CTTNBP2: variants seen among roughly 807,000 people sequenced by gnomAD.
The protein encoded by CTTNBP2 is cortactin binding protein 2.
In CTTNBP2, 108 loss-of-function variants were observed where a neutral mutation model predicts 156.9. The ratio of observed to expected loss-of-function variants is 0.69; its 90% confidence interval spans 0.59 to 0.81. The LOEUF is 0.81. Among genes scored for constraint, CTTNBP2 ranks in the 30% least tolerant of loss-of-function variants. CTTNBP2 has a pLI of 0.00. For missense variants in CTTNBP2, 1,924 were observed against 2,035.4 expected, an observed-to-expected ratio of 0.95 and a Z score of 1.05; for synonymous variants, 767 against 751.8, an observed-to-expected ratio of 1.02 and a Z score of -0.33.
chr7:117,783,725 C>T (rs1798553028), intron 5 of CTTNBP2, among the ~76,000 whole-genome samples: 1 of 152,204 alleles, frequency 6.6e-6, no homozygotes, highest in Admixed American at 6.5e-5. Flanking sequence ...TCTTTTTCTG[C>T]ACTCCCATAT....
At chr7:117,847,474 G>A (rs1400450283) in intron 2 of CTTNBP2, among the ~76,000 whole-genome samples, 1 of 152,194 alleles carries the variant, frequency 6.6e-6, no homozygotes. Context: ...GGCAGATGTT[G>A]CAGTGAGCTA....
intron 8 of CTTNBP2, among the ~76,000 whole-genome samples, chr7:117,776,184 T>C (rs1191560303): frequency 6.6e-6 from 1 of 152,230 alleles, no homozygotes; most frequent in East Asian, 1.9e-4. Flanking sequence ...CTATTATCTT[T>C]TTATTCAGCT....
intron 2 of CTTNBP2, among the ~76,000 whole-genome samples, chr7:117,856,289 G>C (rs1393982424): frequency 6.6e-6 from 1 of 152,178 alleles, no homozygotes; most frequent in East Asian, 1.9e-4. Context: ...TTGGGATGTG[G>C]AGCTGGCACT....
chr7:117,754,977 G>C (rs1229602503), intron 12 of CTTNBP2, among the ~76,000 whole-genome samples: 3 of 152,226 alleles, frequency 2.0e-5, no homozygotes, highest in African/African-American at 7.2e-5. Context: ...GTACGGAGAA[G>C]CTGACAAGGG....
At chr7:117,795,628 T>C (rs1346501080) in intron 3 of CTTNBP2, among the ~76,000 whole-genome samples, 2 of 152,218 alleles carry the variant, frequency 1.3e-5, no homozygotes, top group South Asian at 2.1e-4. Context: ...TCCACAGTAA[T>C]TCTGCACTAT....
rs1554419704 is a variant in CTTNBP2 at position 117,768,581 on chromosome 7, A to AAAAAGAAAGAAAG, written c.2779-1406_2779-1405insCTTTCTTTCTTTT. The stretch of plus-strand genomic sequence containing the variant: ...ACTCTGTCTCAAAAAAAAAAAAAAA[A>AAAAAGAAAGAAAG]AAAGAAAGAAAGAAAGAAAGAAATA... On this transcript the variant is annotated intron_variant, in intron 8 of 22. Transcript: ENST00000160373. 3.0e-3 allele frequency among the ~76,000 whole-genome samples: 300 copies of AAAAAGAAAGAAAG among 99,134 alleles called. 3 individuals are homozygous for AAAAAGAAAGAAAG. The highest frequency in any genetic ancestry group is 0.013 in the African/African-American group (282 of 21,056). 65.0% of individuals were successfully genotyped at this position (99,134 alleles called of 152,430 possible).
intron 17 of CTTNBP2, among the ~76,000 whole-genome samples, chr7:117,726,138 A>G (rs1795082989): frequency 6.6e-6 from 1 of 152,258 alleles, no homozygotes. Context: ...GTGGGACTGC[A>G]GCCCAAATTT....
At chr7:117,738,970 C>G (rs1429699235) in intron 14 of CTTNBP2, among the ~76,000 whole-genome samples, 1 of 152,120 alleles carries the variant, frequency 6.6e-6, no homozygotes, top group Non-Finnish European at 1.5e-5. Context: ...CTATACATAA[C>G]CATTGGGTTA....
At chr7:117,744,603 G>A (rs561912052) in intron 14 of CTTNBP2, among the ~76,000 whole-genome samples, 2 of 152,210 alleles carry the variant, frequency 1.3e-5, no homozygotes, top group South Asian at 4.2e-4. Flanking sequence ...AGAAAGTGCT[G>A]GCTAGGCACG....
chr7:117,746,872 T>C (rs1796359859), intron 12 of CTTNBP2, among the ~76,000 whole-genome samples: 1 of 152,226 alleles, frequency 6.6e-6, no homozygotes, highest in African/African-American at 2.4e-5. Context: ...TTTTAAACTT[T>C]ATCCTCGTGT....
intron 3 of CTTNBP2, chr7:117,793,480 G>A (rs35481121): frequency 0.012 from 1,888 of 152,426 alleles, 21 homozygotes; most frequent in Non-Finnish European, 0.019. Context: ...CCTAAACATG[G>A]TCCTGCCTCG....
At chr7:117,846,375 T>C (rs967843941) in intron 2 of CTTNBP2, among the ~76,000 whole-genome samples, 7 of 152,170 alleles carry the variant, frequency 4.6e-5, no homozygotes, top group African/African-American at 1.4e-4. Flanking sequence ...AATTATGTTA[T>C]GGTGGTAGGT....
At chr7:117,817,623 C>T (rs570997728) in intron 2 of CTTNBP2, among the ~76,000 whole-genome samples, 2 of 151,664 alleles carry the variant, frequency 1.3e-5, no homozygotes, top group South Asian at 4.2e-4. Context: ...GAAACTAGAA[C>T]TTGCACTGTG....
intron 4 of CTTNBP2, among the ~76,000 whole-genome samples, chr7:117,787,227 G>A (rs568757294): frequency 2.2e-4 from 34 of 152,262 alleles, no homozygotes; most frequent in Non-Finnish European, 3.2e-4. Flanking sequence ...AGAACAGACC[G>A]GTATTCATAC....
chr7:117,842,168 T>C (rs1802313103), intron 2 of CTTNBP2, among the ~76,000 whole-genome samples: 1 of 152,206 alleles, frequency 6.6e-6, no homozygotes, highest in South Asian at 2.1e-4. Context: ...CTCTACTTTC[T>C]ACTCAATTTT....
intron 22 of CTTNBP2, 147 bp from the exon 23 acceptor site, chr7:117,711,929 A>T (rs907190876): frequency 2.7e-6 from 2 of 727,576 alleles, no homozygotes; most frequent in Admixed American, 3.2e-5. Flanking sequence ...GGAGAGGAGA[A>T]GCTGAGTAAT....
At chr7:117,721,729 TAA>T (rs1039401321) in intron 19 of CTTNBP2, among the ~76,000 whole-genome samples, 1 of 152,048 alleles carries the variant, frequency 6.6e-6, no homozygotes. Context: ...ATGACACAGT[TAA>T]AAAAAGAGAA....
At chr7:117,816,731 G>A (rs1418522872) in intron 2 of CTTNBP2, among the ~76,000 whole-genome samples, 1 of 152,112 alleles carries the variant, frequency 6.6e-6, no homozygotes, top group African/African-American at 2.4e-5. Context: ...TTGCAACAGA[G>A]TGCTTATTTT....
At chr7:117,838,442 G>A (rs1353566908) in intron 2 of CTTNBP2, among the ~76,000 whole-genome samples, 2 of 152,194 alleles carry the variant, frequency 1.3e-5, no homozygotes, top group Non-Finnish European at 2.9e-5. Context: ...TGTTTGGGGG[G>A]ATAACTTAGA....
Sources: gnomAD v4.1 joint callset for allele counts (sites outside exome capture counted in the v4.1 genomes callset) on GRCh38, gnomAD v4.1.1 for gene constraint, MANE v1.5 for transcripts, NCBI Gene and HGNC (gene_info 2026-07-23, HGNC 2026-07-21) for gene names.